ERCC6L2: variants seen among roughly 807,000 people sequenced by gnomAD.
ERCC6L2 encodes the protein ERCC excision repair 6 like 2.
In ERCC6L2, 77 loss-of-function variants were observed where a neutral mutation model predicts 132.0. That is an observed-to-expected ratio of 0.58 (90% CI 0.49 to 0.71). ERCC6L2 has a LOEUF of 0.71. Among genes scored for constraint, ERCC6L2 ranks in the 30% least tolerant of loss-of-function variants. The probability of loss-of-function intolerance (pLI) is 0.00; values close to 1 mark genes in which losing one functional copy is unlikely to be tolerated. For missense variants in ERCC6L2, 1,542 were observed against 1,837.6 expected (o/e 0.84, Z 2.94); for synonymous variants, 583 against 632.4 (o/e 0.92, Z 1.17).
chr9:95,956,112 G>A (rs1001952264), intron 13 of ERCC6L2, 99 bp downstream of exon 13: 4 of 547,998 alleles, frequency 7.3e-6, no homozygotes, highest in South Asian at 8.4e-5. Flanking sequence ...AAATCTTACT[G>A]TATTGCGGAA....
chr9:95,892,733 A>G (rs1335449265), intron 2 of ERCC6L2, among the ~76,000 whole-genome samples: 16 of 152,050 alleles, frequency 1.1e-4, no homozygotes, highest in Admixed American at 5.9e-4. Flanking sequence ...AGATGTGTCT[A>G]TTTCTTTTAA....
chr9:95,923,935 G>C (rs1031860734), intron 9 of ERCC6L2, among the ~76,000 whole-genome samples: 1 of 145,876 alleles, frequency 6.9e-6, no homozygotes, highest in Non-Finnish European at 1.6e-5. Flanking sequence ...ATGTGTTACC[G>C]AGGGAAGGGT....
At position 96,033,772 on chromosome 9, in the gene ERCC6L2, GAAAC is replaced by G. The variant is rs1834489199; in HGVS notation, c.*1504-5101_*1504-5098del. Among the ~76,000 whole-genome samples the G allele has an allele frequency of 2.0e-5, 3 of 152,180 alleles. No homozygotes were observed. In the South Asian group the frequency reaches 6.2e-4, roughly 32 times the overall value. On this transcript the variant is annotated intron_variant and NMD_transcript_variant, in intron 19 of 20. Transcript: ENST00000670016. ...CAGTTGTCATCTGGCAGATTTTTGA[GAAAC>G]AACTTATTTAGGGGGTTCCACACTC...
At chr9:95,938,697 C>T (rs1252733722) in intron 11 of ERCC6L2, among the ~76,000 whole-genome samples, 1 of 152,028 alleles carries the variant, frequency 6.6e-6, no homozygotes, top group African/African-American at 2.4e-5. Flanking sequence ...TCACTCTCAG[C>T]CTAGCTGTGT....
chr9:96,036,165 A>G (rs1834517106), intron 19 of ERCC6L2, among the ~76,000 whole-genome samples: 1 of 152,162 alleles, frequency 6.6e-6, no homozygotes, highest in African/African-American at 2.4e-5. Context: ...TTCCTTTGGC[A>G]AAACCAAAAC....
At chr9:96,027,137 C>T (rs947614871) in intron 19 of ERCC6L2, among the ~76,000 whole-genome samples, 6 of 150,720 alleles carry the variant, frequency 4.0e-5, no homozygotes, top group African/African-American at 1.5e-4. Flanking sequence ...ACACACAACA[C>T]ACTACACACA....
chr9:95,877,294 A>T (rs1008618601), intron 1 of ERCC6L2, among the ~76,000 whole-genome samples: 3 of 151,188 alleles, frequency 2.0e-5, no homozygotes, highest in Non-Finnish European at 2.9e-5. Context: ...AATTATCCGA[A>T]CTCAAACCCA....
At chr9:95,976,448 C>G (rs1262956568) in intron 16 of ERCC6L2, among the ~76,000 whole-genome samples, 1 of 152,136 alleles carries the variant, frequency 6.6e-6, no homozygotes, top group East Asian at 1.9e-4. Flanking sequence ...TTCCCAGATT[C>G]AGCTGCTGTT....
chr9:95,963,676 A>T (rs548427994), intron 13 of ERCC6L2, among the ~76,000 whole-genome samples: 1 of 151,960 alleles, frequency 6.6e-6, no homozygotes, highest in African/African-American at 2.4e-5. Context: ...TCATGGCTCC[A>T]TTTACTTGTG....
At chr9:96,032,587 A>G (rs562307448) in intron 19 of ERCC6L2, among the ~76,000 whole-genome samples, 1 of 152,254 alleles carries the variant, frequency 6.6e-6, no homozygotes, top group East Asian at 1.9e-4. Context: ...GTCCTCCAGG[A>G]GCCCTTTCAT....
chr9:95,970,774 G>T, intron 15 of ERCC6L2, 118 bp downstream of exon 15: 1 of 578,060 alleles, frequency 1.7e-6, no homozygotes, highest in Non-Finnish European at 2.5e-6. Context: ...TAAGAGTCAA[G>T]GACACAAAGT....
chr9:96,009,504 AAG>A (rs771362880), intron 18 of ERCC6L2, among the ~76,000 whole-genome samples: 8 of 152,190 alleles, frequency 5.3e-5, no homozygotes, highest in Non-Finnish European at 8.8e-5. Context: ...TTCCTCCAGA[AAG>A]AGAGAGGATT....
At position 95,963,150 on chromosome 9, in the gene ERCC6L2, TGTG is replaced by T. The variant is rs1302193411; in HGVS notation, c.1948-3411_1948-3409del. 4.1e-3 allele frequency among the ~76,000 whole-genome samples: 68 copies of T among 16,552 alleles called. No homozygotes were observed. In the African/African-American group the frequency reaches 0.046, roughly 11 times the overall value. The allele number at this position is 16,552 out of a possible 152,430, so 10.9% of individuals were successfully genotyped here. A position where few individuals can be genotyped will look rare whatever the true frequency, so the allele number is the denominator to read the frequency against. ...GGCATTCAGAAAGTCATCTCGTCTGTGTGTGTGTGTGTGTGTGTGTGTGTGTGT... is the reference window on the plus strand; with the variant it reads ...GGCATTCAGAAAGTCATCTCGTCTGTTGTGTGTGTGTGTGTGTGTGTGTGT... On this transcript the variant is annotated intron_variant, in intron 13 of 18. Transcript: ENST00000653738.
intron 1 of ERCC6L2, among the ~76,000 whole-genome samples, chr9:95,879,765 A>G (rs1827491496): frequency 6.6e-6 from 1 of 152,214 alleles, no homozygotes; most frequent in Non-Finnish European, 1.5e-5. Flanking sequence ...TTTAGATAGT[A>G]TAAACATGTC....
intron 12 of ERCC6L2, among the ~76,000 whole-genome samples, chr9:95,947,158 G>T (rs1290036210): frequency 2.0e-5 from 3 of 152,204 alleles, no homozygotes; most frequent in Admixed American, 2.0e-4. Flanking sequence ...AAAGCTAGCA[G>T]TTGGCCAAGT....
At chr9:95,898,445 A>G (rs1828581688) in intron 3 of ERCC6L2, among the ~76,000 whole-genome samples, 1 of 152,160 alleles carries the variant, frequency 6.6e-6, no homozygotes, top group Non-Finnish European at 1.5e-5. Flanking sequence ...CAATATAGGA[A>G]AGTTGGAATC....
At chr9:95,940,476 T>C (rs965307280) in intron 11 of ERCC6L2, among the ~76,000 whole-genome samples, 5 of 152,180 alleles carry the variant, frequency 3.3e-5, no homozygotes, top group Middle Eastern at 3.4e-3. Context: ...GGATTTCAGA[T>C]TTTGTGTGAC....
intron 1 of ERCC6L2, among the ~76,000 whole-genome samples, chr9:95,878,415 T>C (rs1220623356): frequency 6.6e-6 from 1 of 152,314 alleles, no homozygotes. Flanking sequence ...AGGAGTAATA[T>C]TAAATGAGGT....
At chr9:96,030,552 A>T (rs755163432) in intron 19 of ERCC6L2, among the ~76,000 whole-genome samples, 40 of 151,916 alleles carry the variant, frequency 2.6e-4, no homozygotes, top group Non-Finnish European at 5.1e-4. Flanking sequence ...ATACAAAAAA[A>T]TTAGCCGGGC....
Sources: allele counts gnomAD v4.1 joint callset (sites outside exome capture counted in the v4.1 genomes callset), GRCh38; gene constraint gnomAD v4.1.1; transcripts MANE v1.5; gene names NCBI Gene and HGNC (gene_info 2026-07-23, HGNC 2026-07-21).